The following PRR5L variants were observed in gnomAD, a reference collection of about 807,000 sequenced individuals.
PRR5L encodes the protein proline-rich protein 5-like.
PRR5L carries 21 observed loss-of-function variants against 36.4 expected under a neutral mutation model. The observed-to-expected ratio is 0.58, with a 90% CI of 0.41 to 0.83. The LOEUF is 0.83. Among genes scored for constraint, PRR5L ranks in the 40% least tolerant of loss-of-function variants. PRR5L has a pLI of 0.00. For missense variants in PRR5L, 381 were observed against 473.3 expected (o/e 0.80, Z 1.81); for synonymous variants, 188 against 197.0 (o/e 0.95, Z 0.38).
chr11:36,296,824 C>T (rs1282126931), intron 1 of PRR5L, among the ~76,000 whole-genome samples: 1 of 152,218 alleles, frequency 6.6e-6, no homozygotes, highest in Non-Finnish European at 1.5e-5. Context: ...ATAGCAAACC[C>T]TTATACAACA....
At chr11:36,427,270 C>G (rs959658372) in intron 4 of PRR5L, among the ~76,000 whole-genome samples, 1 of 152,090 alleles carries the variant, frequency 6.6e-6, no homozygotes, top group African/African-American at 2.4e-5. Flanking sequence ...TGACTGTGTC[C>G]AAGTTCATTT....
intron 1 of PRR5L, among the ~76,000 whole-genome samples, chr11:36,399,028 C>A (rs1364911540): frequency 6.6e-6 from 1 of 152,132 alleles, no homozygotes; most frequent in Non-Finnish European, 1.5e-5. Context: ...GTAGTGTGAC[C>A]TTTACTGGGT....
chr11:36,449,459 CAA>C (rs1432275583), intron 7 of PRR5L, among the ~76,000 whole-genome samples: 1 of 152,236 alleles, frequency 6.6e-6, no homozygotes, highest in Admixed American at 6.5e-5. Context: ...CCAAGTTGTA[CAA>C]ATACTCCTAC....
chr11:36,399,138 C>T (rs1487403720), intron 1 of PRR5L, among the ~76,000 whole-genome samples: 1 of 129,762 alleles, frequency 7.7e-6, no homozygotes, highest in Non-Finnish European at 1.7e-5. Flanking sequence ...GATCTTTCCA[C>T]GTTGCAGTGG....
At chr11:36,457,981 T>C (rs111924248) in intron 8 of PRR5L, among the ~76,000 whole-genome samples, 2 of 152,368 alleles carry the variant, frequency 1.3e-5, no homozygotes, top group African/African-American at 4.8e-5. Flanking sequence ...TTTATAGTTA[T>C]TGATTTTGGA....
At chr11:36,446,217 A>G (rs2133617850) in intron 6 of PRR5L, 83 bp from the exon 7 acceptor site, 2 of 1,491,652 alleles carry the variant, frequency 1.3e-6, no homozygotes, top group East Asian at 2.3e-5. Context: ...CTATATAAAC[A>G]TGTGTTGTCT....
chr11:36,354,586 G>A (rs750081416), intron 1 of PRR5L, among the ~76,000 whole-genome samples: 31 of 152,194 alleles, frequency 2.0e-4, no homozygotes, highest in Non-Finnish European at 3.7e-4. Flanking sequence ...GTGAGAAAAT[G>A]TATTGCAATA....
chr11:36,375,242 A>C (rs1857242300), intron 1 of PRR5L, among the ~76,000 whole-genome samples: 1 of 152,050 alleles, frequency 6.6e-6, no homozygotes, highest in African/African-American at 2.4e-5. Context: ...CTCAAAAAAA[A>C]AAAAAAAGAT....
intron 4 of PRR5L, among the ~76,000 whole-genome samples, chr11:36,423,416 C>T (rs542765322): frequency 6.6e-6 from 1 of 152,166 alleles, no homozygotes; most frequent in African/African-American, 2.4e-5. Context: ...GAGTTTAAAT[C>T]AGGCCCAGAA....
intron 1 of PRR5L, among the ~76,000 whole-genome samples, chr11:36,304,184 A>C (rs1856406089): frequency 6.6e-6 from 1 of 152,184 alleles, no homozygotes; most frequent in Non-Finnish European, 1.5e-5. Context: ...TCTGTGTCAA[A>C]AATAATATAA....
chr11:36,357,484 T>G (rs1489793698), intron 1 of PRR5L, among the ~76,000 whole-genome samples: 1 of 152,226 alleles, frequency 6.6e-6, no homozygotes, highest in Admixed American at 6.5e-5. Context: ...TTTCCAAATC[T>G]TCAAAGGACA....
chr11:36,409,222 C>T (rs1373748141), intron 3 of PRR5L, among the ~76,000 whole-genome samples: 1 of 152,294 alleles, frequency 6.6e-6, no homozygotes, highest in South Asian at 2.1e-4. Flanking sequence ...ACCACTCACT[C>T]CATGCCCTCC....
At chr11:36,363,758 AC>A (rs1294225187) in intron 1 of PRR5L, among the ~76,000 whole-genome samples, 22 of 152,232 alleles carry the variant, frequency 1.4e-4, no homozygotes, top group Admixed American at 1.4e-3. Context: ...TCTTCCAGAA[AC>A]AGCTGGGCCA....
At chr11:36,369,521 G>GC (rs1857177023) in intron 1 of PRR5L, among the ~76,000 whole-genome samples, 1 of 152,092 alleles carries the variant, frequency 6.6e-6, no homozygotes, top group Non-Finnish European at 1.5e-5. Flanking sequence ...CTGGTCAGAT[G>GC]CCCCCCAAAG....
rs908673413 is a variant in PRR5L, at chr11:36,344,922, G to A, written c.-126+48484G>A. On this transcript the variant is annotated intron_variant, in intron 1 of 8. Coordinates refer to ENST00000530639, the MANE Select transcript of PRR5L (RefSeq NM_001160167.2). This position sits in a 1 kb window ranked among gnomAD's most constrained non-coding sequence, Gnocchi z 4.1. Reference sequence around the variant, plus strand: ...GCCAAGCTTGATTTGTTAAAATTTAGCAACAACAAAGTCATCAAATTTTCA... The same window carrying A: ...GCCAAGCTTGATTTGTTAAAATTTAACAACAACAAAGTCATCAAATTTTCA... Among the ~76,000 whole-genome samples, 3 of 152,136 alleles carry A rather than the reference G, an allele frequency of 2.0e-5. No homozygotes were observed.
chr11:36,376,820 G>T, intron 1 of PRR5L: 1 of 778,136 alleles, frequency 1.3e-6, no homozygotes, highest in South Asian at 5.7e-5. Flanking sequence ...CGTGGCGGGG[G>T]TAGGAGCTAG....
intron 6 of PRR5L, among the ~76,000 whole-genome samples, chr11:36,438,004 T>G (rs931339900): frequency 2.0e-5 from 3 of 152,210 alleles, no homozygotes; most frequent in African/African-American, 7.2e-5. Context: ...GAGTGTGGGC[T>G]TGGGCAGAGT....
chr11:36,426,085 A>C (rs1377489108), intron 4 of PRR5L: 1 of 152,406 alleles, frequency 6.6e-6, no homozygotes, highest in East Asian at 1.9e-4. Flanking sequence ...AGCTGGGTGG[A>C]GGCCCTGTGG....
chr11:36,357,551 C>G (rs991802745), intron 1 of PRR5L, among the ~76,000 whole-genome samples: 6 of 152,120 alleles, frequency 3.9e-5, no homozygotes, highest in Non-Finnish European at 8.8e-5. Context: ...GAAGTCAGTC[C>G]TCATTTACCT....
Sources: allele counts gnomAD v4.1 joint callset (sites outside exome capture counted in the v4.1 genomes callset), GRCh38; gene constraint gnomAD v4.1.1; non-coding constraint Gnocchi (gnomAD v3.1); transcripts MANE v1.5; gene names NCBI Gene and HGNC (gene_info 2026-07-23, HGNC 2026-07-21).